TGM5: variants seen among roughly 807,000 people sequenced by gnomAD.
TGM5 encodes protein-glutamine gamma-glutamyltransferase 5.
A neutral mutation model predicts 77.2 loss-of-function variants in TGM5; 69 were observed. The ratio of observed to expected loss-of-function variants is 0.89; its 90% CI spans 0.74 to 1.09. The LOEUF is 1.09. Among genes scored for constraint, TGM5 ranks in the 50% least tolerant of loss-of-function variants. The probability of loss-of-function intolerance (pLI) is 0.00; values close to 1 mark genes in which losing one functional copy is unlikely to be tolerated. For missense variants in TGM5, 842 were observed against 896.5 expected (o/e 0.94, Z 0.78); for synonymous variants, 346 against 351.8 (o/e 0.98, Z 0.18).
intron 1 of TGM5, among the ~76,000 whole-genome samples, chr15:43,265,524 C>T (rs1415107500): frequency 6.6e-6 from 1 of 152,208 alleles, no homozygotes; most frequent in African/African-American, 2.4e-5. Context: ...CCATGTTAAT[C>T]TCTGCCTAAG....
At chr15:43,261,098 T>G (rs1159293482) in intron 1 of TGM5, among the ~76,000 whole-genome samples, 6 of 117,790 alleles carry the variant, frequency 5.1e-5, no homozygotes, top group African/African-American at 1.1e-4. Context: ...TTTTTTTTTT[T>G]TTTTTTTTTG....
chr15:43,255,697 T>C (rs2042737652), intron 4 of TGM5, among the ~76,000 whole-genome samples: 1 of 152,168 alleles, frequency 6.6e-6, no homozygotes, highest in Non-Finnish European at 1.5e-5. Flanking sequence ...GGCTGAGGGC[T>C]GATCCTCTCC....
chr15:43,256,819 A>C lies in TGM5; in HGVS notation c.437-133T>G, dbSNP rs1261705699. On this transcript the variant is annotated intron_variant, in intron 3 of 12. Transcript: ENST00000220420. ...GGCGACACCAAGAGGGGCACGAGGC[A>C]GTGGGTCTTAGGGAGTCCATGCTCC... 28 of 743,126 alleles carry C rather than the reference A, an allele frequency of 3.8e-5. 1 individual carries two copies. Among genetic ancestry groups the C allele is most frequent in the South Asian group, 3.0e-4 (21 of 70,862 alleles). 46.0% of individuals were successfully genotyped at this position (743,126 alleles called of 1,614,324 possible).
intron 3 of TGM5, among the ~76,000 whole-genome samples, chr15:43,259,656 A>G (rs1424571694): frequency 6.6e-6 from 1 of 152,334 alleles, no homozygotes; most frequent in Non-Finnish European, 1.5e-5. Context: ...GGGAGGCTTT[A>G]CTTTTTACTT....
At chr15:43,248,183 A>G (rs1036336948) in intron 6 of TGM5, among the ~76,000 whole-genome samples, 15 of 152,058 alleles carry the variant, frequency 9.9e-5, no homozygotes, top group Non-Finnish European at 2.2e-4. Flanking sequence ...TTTTTTATTT[A>G]TTTTTATTTT....
At chr15:43,248,590 T>G (rs1566832669) in intron 6 of TGM5, among the ~76,000 whole-genome samples, 1 of 152,222 alleles carries the variant, frequency 6.6e-6, no homozygotes, top group Non-Finnish European at 1.5e-5. Context: ...CCAGACATCT[T>G]TCTATCTACT....
rs760926355 is a variant in TGM5, at chr15:43,253,643, G to A, written c.556-9C>T. On this transcript the variant is annotated splice_polypyrimidine_tract_variant and intron_variant, in intron 4 of 12. Transcript: ENST00000220420. ...ATGATTTTGTCTTCAAACTTCGGGG[G>A]GAGAGGCAGAGAGGGAAGGCACCCA... The A allele has an allele frequency of 5.0e-6, 8 of 1,611,904 alleles. No individual in the cohort carries two copies. Among genetic ancestry groups the A allele is most frequent in the Non-Finnish European group, 5.9e-6 (7 of 1,180,010 alleles).
Position 43,252,944 on chromosome 15 carries a change from G to T in TGM5, c.685-8C>A. ...ATCATCATTGCTGTTGATCTGAAGA[G>T]AAGCCATATAGAGAAGTGTTAGAAA... On this transcript the variant is annotated splice_region_variant and splice_polypyrimidine_tract_variant and intron_variant, in intron 5 of 12. Transcript: ENST00000220420. The T allele has an allele frequency of 3.7e-6, 6 of 1,612,406 alleles. No individual in the cohort carries two copies. Among genetic ancestry groups the T allele is most frequent in the Non-Finnish European group, 5.1e-6 (6 of 1,179,992 alleles).
chr15:43,251,842 T>C (rs989767779), intron 6 of TGM5, among the ~76,000 whole-genome samples: 1 of 152,232 alleles, frequency 6.6e-6, no homozygotes, highest in Non-Finnish European at 1.5e-5. Context: ...TTTCCACATA[T>C]GTATTTTTTA....
intron 6 of TGM5, among the ~76,000 whole-genome samples, chr15:43,249,880 AG>A (rs1293418947): frequency 6.6e-6 from 1 of 152,232 alleles, no homozygotes; most frequent in African/African-American, 2.4e-5. Flanking sequence ...ACGTGTTGAA[AG>A]GCCACACTGG....
chr15:43,257,467 A>G (rs898650471), intron 3 of TGM5, among the ~76,000 whole-genome samples: 11 of 152,244 alleles, frequency 7.2e-5, no homozygotes, highest in Non-Finnish European at 1.5e-4. Context: ...GTTCAAAAAT[A>G]TCTTAACATT....
At chr15:43,265,372 C>T (rs1417403884) in intron 1 of TGM5, among the ~76,000 whole-genome samples, 4 of 152,214 alleles carry the variant, frequency 2.6e-5, no homozygotes, top group Non-Finnish European at 5.9e-5. Context: ...AAGCTTGCCC[C>T]CTTTGGAGAC....
intron 1 of TGM5, among the ~76,000 whole-genome samples, chr15:43,261,074 G>T (rs902547039): frequency 0.56 from 41,622 of 74,868 alleles, 12,580 homozygotes; most frequent in African/African-American, 0.83. Flanking sequence ...TTTTGTGTGT[G>T]TGTTTTTTTT....
intron 1 of TGM5, among the ~76,000 whole-genome samples, chr15:43,264,893 C>T (rs969047039): frequency 2.0e-5 from 3 of 152,170 alleles, no homozygotes; most frequent in Non-Finnish European, 4.4e-5. Context: ...CTTTAACACA[C>T]ATCTGTTTCA....
chr15:43,259,361 A>G (rs1199071193), intron 3 of TGM5, among the ~76,000 whole-genome samples: 1 of 152,312 alleles, frequency 6.6e-6, no homozygotes, highest in East Asian at 1.9e-4. Flanking sequence ...AACTAGTTAA[A>G]AATATCTGGT....
Position 43,233,558 on chromosome 15 carries a change from C to T in TGM5, c.2005G>A (p.Val669Ile), listed in dbSNP as rs765338938. The change falls in exon 12 of 13, where the codon GTC becomes ATC. Residue 669 changes from valine to isoleucine, a missense_variant. Val to Ile is a conservative substitution (Grantham distance 29). This residue lies in a region of TGM5 where 815 missense variants were observed against 844.6 expected (regional missense o/e 0.96). Transcript: ENST00000220420. Reference protein sequence around the residue: ...GSGLFKKQQKVFLGVLKPQHQ... With the variant: ...GSGLFKKQQKIFLGVLKPQHQ... ...CTGAGCACTTGCAGCACTTACAAGA[C>T]TTTCTGCTGTTTCTTGAAGAGGCCA... 1.9e-6 allele frequency: 3 copies of T among 1,614,218 alleles called. No homozygotes were observed. Among genetic ancestry groups the T allele is most frequent in the East Asian group, 2.2e-5 (1 of 44,886 alleles).
intron 6 of TGM5, among the ~76,000 whole-genome samples, chr15:43,245,344 G>A (rs1486143541): frequency 6.6e-6 from 1 of 152,004 alleles, no homozygotes; most frequent in African/African-American, 2.4e-5. Context: ...CTCCCTGAAC[G>A]CATTAAGCTT....
intron 6 of TGM5, among the ~76,000 whole-genome samples, chr15:43,244,683 A>G (rs2042659290): frequency 6.6e-6 from 1 of 152,224 alleles, no homozygotes. Context: ...CAATTAGATG[A>G]AGAGGATACA....
intron 6 of TGM5, 39 bp downstream of exon 6, chr15:43,252,720 T>C: frequency 6.2e-7 from 1 of 1,610,952 alleles, no homozygotes; most frequent in African/African-American, 1.3e-5. Flanking sequence ...TGAGCGGCTA[T>C]ACTTCTGACC....
Sources: allele counts gnomAD v4.1 joint callset (sites outside exome capture counted in the v4.1 genomes callset), GRCh38; gene constraint gnomAD v4.1.1; regional missense constraint gnomAD v4.1.1; transcripts MANE v1.5; gene names NCBI Gene and HGNC (gene_info 2026-07-23, HGNC 2026-07-21).